The following ADGRD2 variants were observed in gnomAD, a reference collection of about 807,000 sequenced individuals.
ADGRD2 encodes adhesion G protein-coupled receptor D2.
Under a neutral mutation model 44.4 loss-of-function variants are expected in ADGRD2, and 71 were observed. The observed-to-expected ratio is 1.60, with a 90% CI of 1.32 to 1.95. The LOEUF is 1.95. Among genes scored for constraint, ADGRD2 ranks in the 30% most tolerant of loss-of-function variants. The probability of loss-of-function intolerance (pLI) is 0.00; values close to 1 mark genes in which losing one functional copy is unlikely to be tolerated. For synonymous variants in ADGRD2, 481 were observed against 224.8 expected, an observed-to-expected ratio of 2.14 and a Z score of -10.19; for missense variants, 1,039 against 512.4, an observed-to-expected ratio of 2.03 and a Z score of -9.92.
chr9:124,457,549 G>A, exon 8 of ADGRD2: 1 of 687,660 alleles, frequency 1.5e-6, no homozygotes, highest in South Asian at 1.5e-5. Flanking sequence ...TGGGCGTCCA[G>A]AGGGGCCCGG....
At chr9:124,470,325 A>T (rs1404178469) in intron 16 of ADGRD2, among the ~76,000 whole-genome samples, 169 bp from the exon 20 acceptor site, 1 of 152,176 alleles carries the variant, frequency 6.6e-6, no homozygotes, top group Non-Finnish European at 1.5e-5. Context: ...CAGGGGGGGC[A>T]ACAAAGTCCA....
intron 14 of ADGRD2, 111 bp from the exon 18 acceptor site, chr9:124,469,111 C>T (rs1490523624): frequency 3.2e-6 from 2 of 628,204 alleles, no homozygotes; most frequent in African/African-American, 1.8e-5. Context: ...TCCCCAGTGC[C>T]CCCAGTACAA....
intron 21 of ADGRD2, among the ~76,000 whole-genome samples, chr9:124,478,064 G>A (rs1010298927): frequency 6.6e-6 from 1 of 152,114 alleles, no homozygotes; most frequent in Admixed American, 6.5e-5. Flanking sequence ...GGCAGCGGAG[G>A]CTGCCGGGCT....
chr9:124,467,668 G>A (rs547653441), intron 11 of ADGRD2, 53 bp from the exon 15 acceptor site: 2 of 714,036 alleles, frequency 2.8e-6, no homozygotes, highest in East Asian at 5.4e-5. Flanking sequence ...GCGAGTTCTG[G>A]CCTGGGTTGG....
In ADGRD2 at chr9:124,477,175, G is replaced by A. The variant is rs562048911; in HGVS notation, c.*18+466G>A. On this transcript the variant is annotated intron_variant, in intron 21 of 21. Transcript: ENST00000334810. Reference sequence around the variant, plus strand: ...CTCCAAGGCTGCGGGTCACCAGCTGGACAGCTGATGGGGGCATGACGGGGG... The same window carrying A: ...CTCCAAGGCTGCGGGTCACCAGCTGAACAGCTGATGGGGGCATGACGGGGG... 79 of 416,570 alleles carry A rather than the reference G, an allele frequency of 1.9e-4. 3 individuals are homozygous for A. The highest frequency in any genetic ancestry group is 1.4e-3 in the South Asian group (78 of 54,836). The allele number at this position is 416,570 out of a possible 1,614,324, so 25.8% of individuals were successfully genotyped here.
exon 18 of ADGRD2, chr9:124,475,479 A>G: frequency 2.8e-6 from 2 of 714,316 alleles, no homozygotes; most frequent in South Asian, 1.5e-5. Flanking sequence ...TGCTGCCTGC[A>G]ATGAGGAGGT....
At chr9:124,453,260 C>T (rs139739372) in exon 3 of ADGRD2, 134 of 534,570 alleles carry the variant, frequency 2.5e-4, no homozygotes, top group Non-Finnish European at 4.1e-4. Flanking sequence ...GTGCGCGCTG[C>T]GCTGGTGGTG....
chr9:124,452,713 C>G, exon 2 of ADGRD2: 2 of 713,050 alleles, frequency 2.8e-6, no homozygotes, highest in Non-Finnish European at 5.2e-6. Context: ...GCGGAGACCC[C>G]CACAGAGGCG....
intron 10 of ADGRD2, among the ~76,000 whole-genome samples, chr9:124,461,231 G>A (rs140684094): frequency 7.2e-5 from 11 of 152,154 alleles, no homozygotes; most frequent in East Asian, 3.8e-4. Flanking sequence ...AATAATTTCC[G>A]CTAGTCTGTG....
At chr9:124,458,771 G>T in intron 10 of ADGRD2, 50 bp downstream of exon 13, 1 of 706,374 alleles carries the variant, frequency 1.4e-6, no homozygotes. Flanking sequence ...ACGTGTCCTG[G>T]TTCAGTTCCC....
chr9:124,461,963 T>C (rs917534577), intron 10 of ADGRD2, among the ~76,000 whole-genome samples: 1 of 152,182 alleles, frequency 6.6e-6, no homozygotes, highest in Non-Finnish European at 1.5e-5. Flanking sequence ...GCCAGGCTGG[T>C]CTCGAACTCC....
chr9:124,464,135 C>A (rs147310678), intron 10 of ADGRD2, among the ~76,000 whole-genome samples: 6 of 151,810 alleles, frequency 4.0e-5, no homozygotes, highest in African/African-American at 7.2e-5. Context: ...GTTTAATATT[C>A]TAAAGGATGA....
At chr9:124,458,083 G>T in intron 8 of ADGRD2, 30 bp from the exon 12 acceptor site, 1 of 718,046 alleles carries the variant, frequency 1.4e-6, no homozygotes, top group Non-Finnish European at 2.6e-6. Context: ...GCCACCGGGT[G>T]GTGCCTTGGT....
chr9:124,452,361 G>T (rs1471801006), intron 1 of ADGRD2, 149 bp from the exon 5 acceptor site: 10 of 659,710 alleles, frequency 1.5e-5, no homozygotes, highest in Non-Finnish European at 2.2e-5. Flanking sequence ...CTCTGCAAGA[G>T]GACAGGACTC....
Position 124,454,454 on chromosome 9 carries a change from G to C in ADGRD2, c.1023-30G>C, listed in dbSNP as rs932346137. 8 of 698,946 alleles carry C rather than the reference G, an allele frequency of 1.1e-5. No individual in the cohort carries two copies. The highest frequency in any genetic ancestry group is 1.1e-4 in the African/African-American group (6 of 56,950). The allele number at this position is 698,946 out of a possible 1,614,324, so 43.3% of individuals were successfully genotyped here. On this transcript the variant is annotated intron_variant, in intron 4 of 21. Transcript: ENST00000334810. This position sits in a 1 kb window ranked among gnomAD's most constrained non-coding sequence, Gnocchi z 4.5. ...CATCTCTGGGCAGGGGTATTGCCCG[G>C]GGCCTAGCCTGGCATCCACTCCTTT...
rs1832072700 is a variant in ADGRD2, at chr9:124,477,597, TG to T, written c.*19-679del. On this transcript the variant is annotated intron_variant, in intron 21 of 21. Transcript: ENST00000334810. ...AGAGCCAGGTCCCCACTGGCGCAGATGGGGGACTGCAGGCACAGCAGTAGCC... is the reference window on the plus strand; with the variant it reads ...AGAGCCAGGTCCCCACTGGCGCAGATGGGGACTGCAGGCACAGCAGTAGCC... Among the ~76,000 whole-genome samples, 3 of 152,190 alleles carry T rather than the reference TG, an allele frequency of 2.0e-5. No homozygotes were observed. The South Asian group carries it at 6.2e-4, about 32-fold the overall frequency.
rs546685858 is a variant in ADGRD2, at chr9:124,459,230, G to A, written c.1870+509G>A. On this transcript the variant is annotated intron_variant, in intron 10 of 21. Coordinates refer to ENST00000334810, the Ensembl canonical transcript of ADGRD2. ...TGTAGGTCCGGGCACGGTGGCTTAC[G>A]CCTGTAATCCCAGCACTTTGGGAGG... 2.4e-4 allele frequency among the ~76,000 whole-genome samples: 36 copies of A among 152,298 alleles called. No homozygotes were observed. The East Asian group carries it at 6.9e-3, about 29-fold the overall frequency.
chr9:124,469,262 C>G (rs1295124831), exon 15 of ADGRD2: 1 of 717,278 alleles, frequency 1.4e-6, no homozygotes, highest in East Asian at 2.7e-5. Context: ...TGGCCATGCT[C>G]CCCCATGACT....
At chr9:124,462,793 T>C (rs983047997) in intron 10 of ADGRD2, among the ~76,000 whole-genome samples, 2 of 152,244 alleles carry the variant, frequency 1.3e-5, no homozygotes, top group Non-Finnish European at 2.9e-5. Flanking sequence ...AGCTCTTTTC[T>C]GGAACCTCTA....
Sources: allele counts gnomAD v4.1 joint callset (sites outside exome capture counted in the v4.1 genomes callset), GRCh38; gene constraint gnomAD v4.1.1; non-coding constraint Gnocchi (gnomAD v3.1); transcripts MANE v1.5; gene names NCBI Gene and HGNC (gene_info 2026-07-23, HGNC 2026-07-21).